Variants in NAV1 observed in about 807,000 individuals in gnomAD.
NAV1 encodes neuron navigator 1.
A neutral mutation model predicts 175.2 loss-of-function variants in NAV1; 18 were observed. That is an observed-to-expected ratio of 0.10 (90% confidence interval 0.07 to 0.15). The LOEUF (loss-of-function observed/expected upper bound fraction) is 0.15, where lower values mean the gene tolerates loss of function less well. NAV1 is among the 10% of genes least tolerant of loss of function. The pLI, the probability that NAV1 is intolerant of heterozygous loss-of-function variation, is 1.00. For missense variants in NAV1, 1,731 were observed against 2,436.6 expected (o/e 0.71, Z 6.10); for synonymous variants, 897 against 978.7 (o/e 0.92, Z 1.56).
chr1:201,794,171 G>A (rs748193187), intron 14 of NAV1: 2 of 649,754 alleles, frequency 3.1e-6, no homozygotes, highest in South Asian at 1.5e-5. Flanking sequence ...CTTTTTTTGA[G>A]ATGGAGTTTC....
chr1:201,653,978 G>A (rs749338593), intron 1 of NAV1, among the ~76,000 whole-genome samples: 43 of 152,146 alleles, frequency 2.8e-4, no homozygotes, highest in Non-Finnish European at 1.9e-4. Context: ...CTAGGCTTGG[G>A]CCCCCACCCA....
intron 1 of NAV1, among the ~76,000 whole-genome samples, chr1:201,702,678 C>CTG (rs1671480182): frequency 7.5e-3 from 82 of 10,982 alleles, no homozygotes; most frequent in African/African-American, 0.02. Flanking sequence ...TGAATTCTCT[C>CTG]TCTCTCTCTC....
At chr1:201,654,180 C>T (rs1270829676) in intron 1 of NAV1, among the ~76,000 whole-genome samples, 1 of 152,174 alleles carries the variant, frequency 6.6e-6, no homozygotes, top group Non-Finnish European at 1.5e-5. Flanking sequence ...ACTCTGGCTC[C>T]CTGAACCTTA....
chr1:201,625,252 A>G (rs183994440), intron 1 of NAV1, among the ~76,000 whole-genome samples: 43 of 152,354 alleles, frequency 2.8e-4, no homozygotes, highest in African/African-American at 9.4e-4. Flanking sequence ...CACTGTTTTC[A>G]AATATTTGAA....
rs1666394311 is a variant in NAV1, at chr1:201,567,608, C to A, written c.-143-20931C>A. The stretch of plus-strand genomic sequence containing the variant: ...TGTGTGTGTAGACAATATTGATGTG[C>A]CCAAGGCTGTCAGAGGCACAGGGAG... On this transcript the variant is annotated intron_variant, in intron 1 of 33. Coordinates refer to the NAV1 transcript ENST00000685211. Among the ~76,000 whole-genome samples the A allele has an allele frequency of 2.0e-5, 3 of 152,148 alleles. No homozygotes were observed. In the South Asian group the frequency reaches 6.2e-4, roughly 32 times the overall value.
chr1:201,620,333 G>C (rs1668125300), upstream of NAV1, among the ~76,000 whole-genome samples: 1 of 151,992 alleles, frequency 6.6e-6, no homozygotes, highest in Non-Finnish European at 1.5e-5. Flanking sequence ...TTCACCCTTT[G>C]AGAATCAAAC....
At chr1:201,584,749 C>T (rs889861000) in intron 1 of NAV1, among the ~76,000 whole-genome samples, 3 of 152,226 alleles carry the variant, frequency 2.0e-5, no homozygotes, top group African/African-American at 7.2e-5. Context: ...AGTCCAGATG[C>T]TCCACCAAGG....
chr1:201,780,028 G>A (rs650720), intron 3 of NAV1, among the ~76,000 whole-genome samples: 1 of 152,100 alleles, frequency 6.6e-6, no homozygotes, highest in Non-Finnish European at 1.5e-5. Flanking sequence ...AAAAGGAGGG[G>A]GAGAATAGAT....
rs1341294647 is a variant in NAV1 at position 201,553,332 on chromosome 1, G to T, written c.-144+13990G>T. Among the ~76,000 whole-genome samples the T allele has an allele frequency of 2.0e-5, 3 of 152,314 alleles. No homozygotes were observed. In the East Asian group the frequency reaches 5.8e-4, roughly 29 times the overall value. On this transcript the variant is annotated intron_variant, in intron 1 of 33. Transcript: ENST00000685211. ...CTGCCGGCTCTGTTTGCTTCCATCT[G>T]CCTCTTTGTAGAGAGCCTGGGCTGC...
chr1:201,810,554 G>A lies in NAV1; in HGVS notation c.4593G>A (p.Val1531=). ...AGGAGAAATGCGTCGACAGCCTGGT[G>A]TTCGAGACGCTGATCCCCAAGCCGA... The change falls in exon 24 of 30, where the codon GTG becomes GTA. Residue 1531 remains valine, a synonymous_variant. Transcript: ENST00000367296. The surrounding 1 kb of genome is among the most constrained non-coding windows in gnomAD (Gnocchi z 6.0). 5.6e-6 allele frequency: 9 copies of A among 1,612,804 alleles called. No homozygotes were observed. Among genetic ancestry groups the A allele is most frequent in the Non-Finnish European group, 6.8e-6 (8 of 1,179,408 alleles).
At chr1:201,597,457 C>T (rs1177905641) in intron 2 of NAV1, among the ~76,000 whole-genome samples, 1 of 152,248 alleles carries the variant, frequency 6.6e-6, no homozygotes, top group East Asian at 1.9e-4. Context: ...TCAAGGCTCA[C>T]TGTGCAAACT....
rs576902141 is a variant in NAV1 at position 201,743,869 on chromosome 1, C to T, written c.1226+25114C>T. On this transcript the variant is annotated intron_variant, in intron 3 of 29. Transcript: ENST00000367296. ...GATAGCAATTTACATAAAAATAGAC[C>T]ACTTTTTAAAACTTAAAAGATGATT... is the stretch of plus-strand genomic sequence containing the variant. Among the ~76,000 whole-genome samples, 3 of 152,160 alleles carry T rather than the reference C, an allele frequency of 2.0e-5. No individual in the cohort carries two copies. In the South Asian group the frequency reaches 6.2e-4, roughly 32 times the overall value.
intron 1 of NAV1, among the ~76,000 whole-genome samples, chr1:201,571,134 G>A (rs894785476): frequency 1.3e-5 from 2 of 152,146 alleles, no homozygotes; most frequent in Non-Finnish European, 2.9e-5. Context: ...GTGTGGACTC[G>A]CAGGCCCTGG....
rs1432852635 is a variant in NAV1, at chr1:201,539,898, C to T, written c.-144+556C>T. ...GGATGCGCCGGGAAGCGCCCTCCCG[C>T]CAATCTCCCGGAGGCCGTCCTCTCT... On this transcript the variant is annotated intron_variant, in intron 1 of 33. Coordinates refer to the NAV1 transcript ENST00000685211. This position sits in a 1 kb window ranked among gnomAD's most constrained non-coding sequence, Gnocchi z 5.6. Among the ~76,000 whole-genome samples, 1 of 152,186 alleles carries T rather than the reference C, an allele frequency of 6.6e-6. No homozygotes were observed. Among genetic ancestry groups the T allele is most frequent in the Non-Finnish European group, 1.5e-5 (1 of 68,042 alleles).
At chr1:201,658,594 G>C (rs925879848) in intron 1 of NAV1, among the ~76,000 whole-genome samples, 1 of 152,126 alleles carries the variant, frequency 6.6e-6, no homozygotes, top group Non-Finnish European at 1.5e-5. Flanking sequence ...AAACAGGTTG[G>C]GGTGGGATCA....
At chr1:201,784,898 G>T (rs1676614436) in intron 7 of NAV1, among the ~76,000 whole-genome samples, 1 of 151,844 alleles carries the variant, frequency 6.6e-6, no homozygotes, top group Non-Finnish European at 1.5e-5. Flanking sequence ...CTCCCGAGTA[G>T]CTGGGGACTA....
chr1:201,806,394 G>A (rs768551974), intron 17 of NAV1, among the ~76,000 whole-genome samples: 2 of 152,074 alleles, frequency 1.3e-5, no homozygotes, highest in Non-Finnish European at 2.9e-5. Context: ...ATTTAACCAT[G>A]GAACCACTAG....
intron 3 of NAV1, among the ~76,000 whole-genome samples, chr1:201,720,541 C>T (rs1672338576): frequency 6.6e-6 from 1 of 152,234 alleles, no homozygotes; most frequent in Admixed American, 6.5e-5. Context: ...TTGCAAGGTA[C>T]AGGAGCCCTG....
At position 201,663,405 on chromosome 1, in the gene NAV1, A is replaced by G. The variant is rs549987905; in HGVS notation, c.757+13980A>G. ...CTGGGCCTGGCTCCTGTTGAGATCAAGGTGAAAACTGGCCATGTCCTCATT... is the reference window on the plus strand; with the variant it reads ...CTGGGCCTGGCTCCTGTTGAGATCAGGGTGAAAACTGGCCATGTCCTCATT... On this transcript the variant is annotated intron_variant, in intron 1 of 29. Coordinates refer to ENST00000367296, the Ensembl canonical transcript of NAV1. 2.6e-4 allele frequency among the ~76,000 whole-genome samples: 39 copies of G among 152,216 alleles called. 1 individual carries two copies. In the South Asian group the frequency reaches 7.9e-3, roughly 31 times the overall value.
Sources: allele counts gnomAD v4.1 joint callset (sites outside exome capture counted in the v4.1 genomes callset), GRCh38; gene constraint gnomAD v4.1.1; non-coding constraint Gnocchi (gnomAD v3.1); transcripts MANE v1.5; gene names NCBI Gene and HGNC (gene_info 2026-07-23, HGNC 2026-07-21).